WDR19: variants seen among roughly 807,000 people sequenced by gnomAD.
The protein encoded by WDR19 is WD repeat domain 19.
Under a neutral mutation model 180.0 loss-of-function variants are expected in WDR19, and 121 were observed. The observed-to-expected ratio is 0.67, with a 90% CI of 0.58 to 0.78. The LOEUF is 0.78. WDR19 is among the 30% of genes least tolerant of loss of function. WDR19 has a pLI of 0.00. For missense variants in WDR19, 1,450 were observed against 1,640.7 expected (o/e 0.88, Z 2.01); for synonymous variants, 497 against 540.7 (o/e 0.92, Z 1.12).
intron 9 of WDR19, among the ~76,000 whole-genome samples, 185 bp from the exon 10 acceptor site, chr4:39,214,416 A>G (rs1447063592): frequency 6.6e-6 from 1 of 152,162 alleles, no homozygotes; most frequent in Non-Finnish European, 1.5e-5. Flanking sequence ...CAACAAACCC[A>G]AAAGTTTAAA....
intron 20 of WDR19, among the ~76,000 whole-genome samples, chr4:39,235,862 G>A (rs1434818860): frequency 6.6e-6 from 1 of 151,690 alleles, no homozygotes; most frequent in African/African-American, 2.4e-5. Context: ...CATATAAGCA[G>A]CCAACAAAAA....
chr4:39,271,655 G>A (rs1483823760), intron 31 of WDR19, among the ~76,000 whole-genome samples: 1 of 152,122 alleles, frequency 6.6e-6, no homozygotes. Context: ...AAAGATACAG[G>A]CAGACTCCAA....
At position 39,240,261 on chromosome 4, in the gene WDR19, C is replaced by T. The variant is rs780933216; in HGVS notation, c.2364-16C>T. Reference sequence around the variant, plus strand: ...TATATTAAAATTATTAAAATTCACTCTTATTTTTTTTTCAGGGGTGATTAT... The same window carrying T: ...TATATTAAAATTATTAAAATTCACTTTTATTTTTTTTTCAGGGGTGATTAT... On this transcript the variant is annotated splice_polypyrimidine_tract_variant and intron_variant, in intron 20 of 36. Coordinates refer to ENST00000399820, the MANE Select transcript of WDR19 (RefSeq NM_025132.4). 1 of 1,230,592 alleles carries T rather than the reference C, an allele frequency of 8.1e-7. No homozygotes were observed. Among genetic ancestry groups the T allele is most frequent in the Non-Finnish European group, 1.0e-6 (1 of 961,150 alleles). The allele number at this position is 1,230,592 out of a possible 1,614,324, so 76.2% of individuals were successfully genotyped here. A position where few individuals can be genotyped will look rare whatever the true frequency, so the allele number is the denominator to read the frequency against.
In WDR19 at chr4:39,274,817, C is replaced by G; in HGVS notation, c.3575C>G (p.Pro1192Arg). Reference protein sequence around the residue: ...NISKFPSHIVPILTSTVIECH... With the variant: ...NISKFPSHIVRILTSTVIECH... ...CCCTTTTCTCTTGCAGACATTGTAC[C>G]CATCCTGACGTCAACTGTGATTGAG... The change falls in exon 33 of 37, where the codon CCC becomes CGC. Residue 1192 changes from proline to arginine, a missense_variant. Coordinates refer to ENST00000399820, the MANE Select transcript of WDR19 (RefSeq NM_025132.4). The G allele has an allele frequency of 1.9e-6, 3 of 1,613,334 alleles. No homozygotes were observed. The highest frequency in any genetic ancestry group is 2.5e-6 in the Non-Finnish European group (3 of 1,179,408).
intron 2 of WDR19, 49 bp from the exon 3 acceptor site, chr4:39,186,478 CAAAAAAAAAAAA>C (rs71192831): frequency 7.2e-5 from 26 of 363,470 alleles, no homozygotes; most frequent in East Asian, 1.3e-4. Context: ...GACTCTGTCT[CAAAAAAAAAAAA>C]AAAAAAAAAA....
intron 36 of WDR19, among the ~76,000 whole-genome samples, chr4:39,279,863 C>T (rs917739798): frequency 1.3e-5 from 2 of 151,874 alleles, no homozygotes; most frequent in Non-Finnish European, 2.9e-5. Context: ...CCACCACGCT[C>T]GGCTAACTTT....
chr4:39,211,190 CA>C (rs35544828), intron 9 of WDR19, among the ~76,000 whole-genome samples: 13,728 of 147,392 alleles, frequency 0.093, 821 homozygotes, highest in East Asian at 0.21. Context: ...AACCCTGTCT[CA>C]AAAAAAAAAG....
intron 9 of WDR19, among the ~76,000 whole-genome samples, chr4:39,208,763 A>G (rs1338723302): frequency 1.3e-5 from 2 of 152,234 alleles, no homozygotes; most frequent in African/African-American, 4.8e-5. Context: ...TGAACTTGGC[A>G]CAGCATTTAA....
chr4:39,251,188 C>T (rs1489324982), intron 24 of WDR19, among the ~76,000 whole-genome samples: 2 of 152,098 alleles, frequency 1.3e-5, no homozygotes, highest in African/African-American at 2.4e-5. Flanking sequence ...AGAACAGAGC[C>T]CTCAGAAATA....
intron 5 of WDR19, among the ~76,000 whole-genome samples, chr4:39,197,946 C>T (rs927769285): frequency 6.6e-6 from 1 of 152,172 alleles, no homozygotes; most frequent in Non-Finnish European, 1.5e-5. Context: ...TCAAGGGATC[C>T]TCCCACCTCA....
At chr4:39,234,930 C>A in intron 20 of WDR19, 55 bp downstream of exon 20, 2 of 1,073,748 alleles carry the variant, frequency 1.9e-6, no homozygotes, top group Non-Finnish European at 2.8e-6. Context: ...CAAATATCTT[C>A]AGTTCGAAAC....
At chr4:39,205,939 AGTT>A in intron 9 of WDR19, 1 of 524,268 alleles carries the variant, frequency 1.9e-6, no homozygotes, top group Admixed American at 3.4e-5. Context: ...TAAAATAGGT[AGTT>A]CTGGGTAACA....
Position 39,244,477 on chromosome 4 carries a change from C to G in WDR19, c.2570C>G (p.Ser857Ter), listed in dbSNP as rs897076709. The G allele has an allele frequency of 8.1e-6, 13 of 1,613,808 alleles. No homozygotes were observed. The highest frequency in any genetic ancestry group is 1.3e-5 in the African/African-American group (1 of 74,888). ...GAILENMKQF[S>*]EAAQLYEKGL... The stretch of plus-strand genomic sequence containing the variant: ...AATCCTGTCTTATTTTAGCAATTTT[C>G]AGAAGCGGCCCAACTGTATGAAAAA... The change falls in exon 23 of 37, where the codon TCA (serine) becomes TGA (stop). Residue 857 changes from serine (S) to a stop codon, truncating the protein, a stop_gained. Transcript: ENST00000399820. LOFTEE classifies it high-confidence loss of function.
chr4:39,202,582 G>T (rs1268673956), intron 6 of WDR19, among the ~76,000 whole-genome samples: 3 of 151,728 alleles, frequency 2.0e-5, no homozygotes, highest in African/African-American at 7.3e-5. Context: ...GGAAAATTTG[G>T]AAATAGCTAA....
At chr4:39,255,539 A>G (rs372088373) in intron 26 of WDR19, among the ~76,000 whole-genome samples, 2 of 152,176 alleles carry the variant, frequency 1.3e-5, no homozygotes, top group East Asian at 1.9e-4. Context: ...TACTTGTCTG[A>G]CAAATATACA....
chr4:39,256,417 G>T (rs1733767819), intron 27 of WDR19, among the ~76,000 whole-genome samples: 1 of 152,126 alleles, frequency 6.6e-6, no homozygotes, highest in Admixed American at 6.5e-5. Context: ...CATGTGACAG[G>T]GTAGGGACTA....
chr4:39,242,963 C>T (rs185976541), intron 21 of WDR19, among the ~76,000 whole-genome samples: 55 of 152,122 alleles, frequency 3.6e-4, no homozygotes, highest in Non-Finnish European at 6.9e-4. Flanking sequence ...CCACCGCGCC[C>T]GGCCCATCTC....
intron 36 of WDR19, among the ~76,000 whole-genome samples, chr4:39,282,079 T>C (rs1736595140): frequency 6.6e-6 from 1 of 152,236 alleles, no homozygotes; most frequent in Non-Finnish European, 1.5e-5. Context: ...TCTTTTGATT[T>C]GGAGTCCATT....
rs1444359366 is a variant in WDR19 at position 39,231,800 on chromosome 4, T to C, written c.1986T>C (p.Phe662=). 1 of 1,580,260 alleles carries C rather than the reference T, an allele frequency of 6.3e-7. No individual in the cohort carries two copies. The highest frequency in any genetic ancestry group is 1.7e-5 in the Admixed American group (1 of 58,310). Residue 662 remains phenylalanine (F), a synonymous_variant, in exon 18 of 37, where the codon TTT becomes TTC. Coordinates refer to ENST00000399820, the MANE Select transcript of WDR19 (RefSeq NM_025132.4). ...MLAQNLMLKR[F]SDAWEMCRIL... is the part of the protein sequence containing the mutation. ...AGCTTATGTTCTTACATCCCAGGTT[T>C]TCTGATGCTTGGGAAATGTGCAGGA...
Sources: gnomAD v4.1 joint callset for allele counts (sites outside exome capture counted in the v4.1 genomes callset) on GRCh38, gnomAD v4.1.1 for gene constraint, MANE v1.5 for transcripts, NCBI Gene and HGNC (gene_info 2026-07-23, HGNC 2026-07-21) for gene names.